Variants in SNX29 observed in about 807,000 individuals in gnomAD.
The protein encoded by SNX29 is sorting nexin 29.
SNX29 carries 78 observed loss-of-function variants against 102.1 expected under a neutral mutation model. The observed-to-expected ratio is 0.76, with a 90% CI of 0.64 to 0.92. The LOEUF (loss-of-function observed/expected upper bound fraction) is 0.92, where lower values mean the gene tolerates loss of function less well. Ranked by LOEUF, SNX29 falls within the 40% of genes least tolerant of loss-of-function variation. The pLI, the probability that SNX29 is intolerant of heterozygous loss-of-function variation, is 0.00. For synonymous variants in SNX29, 580 were observed against 414.5 expected (o/e 1.40, Z -4.85); for missense variants, 1,280 against 1,061.7 (o/e 1.21, Z -2.86).
At chr16:12,427,698 C>T (rs1179102353) in intron 18 of SNX29, among the ~76,000 whole-genome samples, 1 of 152,206 alleles carries the variant, frequency 6.6e-6, no homozygotes, top group Non-Finnish European at 1.5e-5. Flanking sequence ...AAGAGGAAGT[C>T]ACAGTGGGAA....
At chr16:12,178,612 G>A (rs533806390) in intron 13 of SNX29, among the ~76,000 whole-genome samples, 1 of 152,322 alleles carries the variant, frequency 6.6e-6, no homozygotes, top group South Asian at 2.1e-4. Context: ...CTGACTTTTT[G>A]TATAGGAGAT....
chr16:12,134,757 G>A (rs908585258), intron 13 of SNX29, among the ~76,000 whole-genome samples: 2 of 152,198 alleles, frequency 1.3e-5, no homozygotes, highest in African/African-American at 4.8e-5. Flanking sequence ...CTTGAAGGCT[G>A]CCTGCTACAC....
chr16:11,994,116 C>T (rs914011076), intron 1 of SNX29, among the ~76,000 whole-genome samples: 7 of 152,098 alleles, frequency 4.6e-5, no homozygotes, highest in East Asian at 1.9e-4. Flanking sequence ...AGCAAGACTC[C>T]GTCTACAAAC....
chr16:12,456,676 T>C (rs906861666), intron 18 of SNX29, among the ~76,000 whole-genome samples: 2 of 152,052 alleles, frequency 1.3e-5, no homozygotes, highest in African/African-American at 2.4e-5. Flanking sequence ...GAGTACTTGA[T>C]AGTGTGTGCA....
chr16:12,084,911 A>C (rs549984795), intron 11 of SNX29, among the ~76,000 whole-genome samples: 1 of 152,060 alleles, frequency 6.6e-6, no homozygotes, highest in Non-Finnish European at 1.5e-5. Context: ...TCTATAAAAA[A>C]TAAAAAAAAT....
At chr16:12,168,511 C>T (rs146807452) in intron 13 of SNX29, among the ~76,000 whole-genome samples, 2 of 152,328 alleles carry the variant, frequency 1.3e-5, no homozygotes, top group East Asian at 1.9e-4. Context: ...GTCCCCACCT[C>T]GTTACATACC....
intron 3 of SNX29, among the ~76,000 whole-genome samples, chr16:12,020,352 A>T (rs2056981524): frequency 6.6e-6 from 1 of 151,892 alleles, no homozygotes; most frequent in Non-Finnish European, 1.5e-5. Context: ...TTAACGCTTT[A>T]AAAAAATTAT....
At chr16:12,212,931 T>C (rs891279648) in intron 14 of SNX29, among the ~76,000 whole-genome samples, 2 of 152,070 alleles carry the variant, frequency 1.3e-5, no homozygotes, top group Non-Finnish European at 2.9e-5. Flanking sequence ...CTGGCCAATA[T>C]AGTGAAACCC....
chr16:12,120,400 A>G (rs566992513), intron 11 of SNX29, among the ~76,000 whole-genome samples: 17 of 152,246 alleles, frequency 1.1e-4, no homozygotes, highest in Non-Finnish European at 1.9e-4. Flanking sequence ...ATCTATGTAT[A>G]TATGTGAGAG....
intron 18 of SNX29, among the ~76,000 whole-genome samples, chr16:12,408,516 G>A (rs1443314926): frequency 1.3e-5 from 2 of 152,194 alleles, no homozygotes; most frequent in African/African-American, 4.8e-5. Context: ...CTGCCTCGGG[G>A]TGGCTGCTTG....
chr16:12,188,230 CATACTT>C (rs1045969187), intron 13 of SNX29, among the ~76,000 whole-genome samples: 2 of 152,166 alleles, frequency 1.3e-5, no homozygotes, highest in Non-Finnish European at 2.9e-5. Context: ...TATACACACA[CATACTT>C]ATTTTAATTC....
At chr16:12,565,174 C>T (rs79518691) in intron 20 of SNX29, among the ~76,000 whole-genome samples, 2,447 of 152,200 alleles carry the variant, frequency 0.016, 54 homozygotes, top group South Asian at 0.11. Flanking sequence ...CCAGTCCTAC[C>T]CAACCCCCCA....
At chr16:12,099,800 C>G (rs1441674533) in intron 11 of SNX29, among the ~76,000 whole-genome samples, 2 of 152,176 alleles carry the variant, frequency 1.3e-5, no homozygotes, top group African/African-American at 4.8e-5. Flanking sequence ...GCTAGCCCAC[C>G]TCCCTCTGTG....
At chr16:12,129,315 C>T (rs1460783996) in intron 12 of SNX29, among the ~76,000 whole-genome samples, 1 of 152,164 alleles carries the variant, frequency 6.6e-6, no homozygotes, top group Non-Finnish European at 1.5e-5. Flanking sequence ...AGTGGGGTAT[C>T]TGTAAAGGGA....
intron 11 of SNX29, among the ~76,000 whole-genome samples, chr16:12,122,262 C>G (rs1308428300): frequency 1.3e-5 from 2 of 152,172 alleles, no homozygotes; most frequent in Non-Finnish European, 2.9e-5. Flanking sequence ...CTTCGCGTCT[C>G]TTGTCAGCCT....
chr16:12,486,984 G>T (rs2151849963), intron 19 of SNX29, among the ~76,000 whole-genome samples: 1 of 152,298 alleles, frequency 6.6e-6, no homozygotes, highest in South Asian at 2.1e-4. Flanking sequence ...AGCACTGAGA[G>T]TCAAAGAAAA....
At chr16:12,537,683 G>A (rs2077137714) in intron 20 of SNX29, among the ~76,000 whole-genome samples, 3 of 152,184 alleles carry the variant, frequency 2.0e-5, no homozygotes, top group South Asian at 2.1e-4. Context: ...TTTAAACATT[G>A]GAGCATCTGA....
chr16:12,502,227 G>A (rs529304559), intron 19 of SNX29, among the ~76,000 whole-genome samples: 6 of 152,282 alleles, frequency 3.9e-5, no homozygotes, highest in East Asian at 1.9e-4. Context: ...AGTGAGGGGC[G>A]GTGGAGGAGG....
rs2053600642 is a variant in SNX29 at position 12,114,127 on chromosome 16, C to G, written c.1403-12506C>G. On this transcript the variant is annotated intron_variant, in intron 11 of 20. Coordinates refer to ENST00000566228, the MANE Select transcript of SNX29 (RefSeq NM_032167.5). ...GGCCACGTTGCCTCCCGTGCCAACT[C>G]AGTGTAGGTTCCACATAGCATATGA... Among the ~76,000 whole-genome samples, 3 of 152,208 alleles carry G rather than the reference C, an allele frequency of 2.0e-5. No individual in the cohort carries two copies. The South Asian group carries it at 6.2e-4, about 31-fold the overall frequency.
Sources: gnomAD v4.1 joint callset for allele counts (sites outside exome capture counted in the v4.1 genomes callset) on GRCh38, gnomAD v4.1.1 for gene constraint, MANE v1.5 for transcripts, NCBI Gene and HGNC (gene_info 2026-07-23, HGNC 2026-07-21) for gene names.